The following KIF16B variants were observed in gnomAD, a reference collection of about 807,000 sequenced individuals.
KIF16B encodes kinesin family member 16B.
Under a neutral mutation model 156.3 loss-of-function variants are expected in KIF16B, and 98 were observed. The observed-to-expected ratio is 0.63, with a 90% CI of 0.53 to 0.74. KIF16B has a LOEUF of 0.74. Among genes scored for constraint, KIF16B ranks in the 30% least tolerant of loss-of-function variants. The pLI is 0.00. For missense variants in KIF16B, 1,421 were observed against 1,606.5 expected (o/e 0.88, Z 1.97); for synonymous variants, 564 against 583.7 (o/e 0.97, Z 0.49).
At chr20:16,387,556 G>A (rs906547095) in intron 17 of KIF16B, among the ~76,000 whole-genome samples, 1 of 152,170 alleles carries the variant, frequency 6.6e-6, no homozygotes, top group Non-Finnish European at 1.5e-5. Context: ...CTGAAGAAGG[G>A]AGTGCTATTT....
chr20:16,453,610 C>T (rs935480285), intron 12 of KIF16B, among the ~76,000 whole-genome samples: 6 of 151,886 alleles, frequency 4.0e-5, no homozygotes, highest in Non-Finnish European at 8.8e-5. Flanking sequence ...TATGGGAAAA[C>T]GCAATGATCA....
At chr20:16,482,242 C>T (rs2068002558) in intron 12 of KIF16B, among the ~76,000 whole-genome samples, 1 of 151,906 alleles carries the variant, frequency 6.6e-6, no homozygotes, top group South Asian at 2.1e-4. Flanking sequence ...CTTAATACCA[C>T]CACTTCTGCT....
At chr20:16,300,294 T>C (rs2063453270) in intron 25 of KIF16B, among the ~76,000 whole-genome samples, 1 of 152,194 alleles carries the variant, frequency 6.6e-6, no homozygotes, top group Non-Finnish European at 1.5e-5. Flanking sequence ...TTTAGAGTAA[T>C]GAGTGAGCCA....
chr20:16,324,022 G>C (rs2063808000), intron 24 of KIF16B, among the ~76,000 whole-genome samples: 1 of 151,924 alleles, frequency 6.6e-6, no homozygotes, highest in Non-Finnish European at 1.5e-5. Flanking sequence ...ACATTCATAT[G>C]TGCCACAAAC....
chr20:16,503,927 C>T (rs973378818), intron 10 of KIF16B, among the ~76,000 whole-genome samples: 1 of 152,138 alleles, frequency 6.6e-6, no homozygotes, highest in Non-Finnish European at 1.5e-5. Flanking sequence ...GCGGGGCCAC[C>T]AGAACCACCT....
intron 1 of KIF16B, among the ~76,000 whole-genome samples, chr20:16,559,685 G>A (rs1281958627): frequency 6.6e-6 from 1 of 152,160 alleles, no homozygotes; most frequent in African/African-American, 2.4e-5. Context: ...GGCTGAGGCA[G>A]GAGGTTCACT....
At chr20:16,434,942 G>T (rs1422368842) in intron 12 of KIF16B, among the ~76,000 whole-genome samples, 1 of 152,184 alleles carries the variant, frequency 6.6e-6, no homozygotes, top group East Asian at 1.9e-4. Context: ...CACATGCCCA[G>T]TGTGGCTGTG....
chr20:16,324,482 G>A (rs2063815019), intron 24 of KIF16B, among the ~76,000 whole-genome samples: 1 of 152,006 alleles, frequency 6.6e-6, no homozygotes, highest in Non-Finnish European at 1.5e-5. Flanking sequence ...ATTTCACAAT[G>A]TGCAAACAGT....
At chr20:16,459,456 A>G (rs2067290103) in intron 12 of KIF16B, among the ~76,000 whole-genome samples, 1 of 152,192 alleles carries the variant, frequency 6.6e-6, no homozygotes, top group African/African-American at 2.4e-5. Context: ...CAAAAGTAGC[A>G]GCACACTTCC....
intron 24 of KIF16B, among the ~76,000 whole-genome samples, chr20:16,330,761 C>A (rs1414585794): frequency 6.6e-6 from 1 of 152,202 alleles, no homozygotes; most frequent in Non-Finnish European, 1.5e-5. Flanking sequence ...GGTGGGAAGC[C>A]ATAGCTTTAG....
chr20:16,291,970 C>T (rs1195237887), intron 25 of KIF16B, among the ~76,000 whole-genome samples: 1 of 152,044 alleles, frequency 6.6e-6, no homozygotes, highest in Admixed American at 6.6e-5. Context: ...GCTGTGTTTC[C>T]AGCTAGCTAA....
chr20:16,341,868 C>T (rs1305552254), intron 23 of KIF16B, among the ~76,000 whole-genome samples: 1 of 152,202 alleles, frequency 6.6e-6, no homozygotes, highest in Non-Finnish European at 1.5e-5. Context: ...GCCCTTAGTG[C>T]GGCATTTAGG....
At chr20:16,281,740 G>C (rs960468448) in intron 25 of KIF16B, among the ~76,000 whole-genome samples, 2 of 152,106 alleles carry the variant, frequency 1.3e-5, no homozygotes, top group African/African-American at 2.4e-5. Flanking sequence ...CAGTAAGCCA[G>C]GCCTGGGTAT....
At chr20:16,468,652 T>C (rs2067568416) in intron 12 of KIF16B, among the ~76,000 whole-genome samples, 2 of 149,234 alleles carry the variant, frequency 1.3e-5, no homozygotes, top group Non-Finnish European at 3.0e-5. Context: ...CAAACATTAA[T>C]GTGTATGGCA....
At chr20:16,539,689 C>T (rs1373740019) in intron 1 of KIF16B, among the ~76,000 whole-genome samples, 1 of 152,200 alleles carries the variant, frequency 6.6e-6, no homozygotes, top group Non-Finnish European at 1.5e-5. Context: ...GAACCATGAG[C>T]CAATTAAACC....
At chr20:16,557,185 T>C (rs2070883503) in intron 1 of KIF16B, among the ~76,000 whole-genome samples, 1 of 150,570 alleles carries the variant, frequency 6.6e-6, no homozygotes, top group African/African-American at 2.5e-5. Flanking sequence ...ACTAATACTA[T>C]ATATATGTTT....
chr20:16,420,990 C>G (rs550722143), intron 15 of KIF16B, among the ~76,000 whole-genome samples: 1 of 152,044 alleles, frequency 6.6e-6, no homozygotes, highest in Non-Finnish European at 1.5e-5. Flanking sequence ...TGAATTCGAG[C>G]ACGAATGATA....
chr20:16,368,643 C>T (rs981935335), intron 22 of KIF16B: 20 of 985,778 alleles, frequency 2.0e-5, no homozygotes, highest in Non-Finnish European at 2.3e-5. Flanking sequence ...CCAGTGACTC[C>T]GATGAGCTCA....
At chr20:16,508,423 C>A (rs998675415) in intron 6 of KIF16B, among the ~76,000 whole-genome samples, 3 of 152,170 alleles carry the variant, frequency 2.0e-5, no homozygotes, top group African/African-American at 7.2e-5. Context: ...CACCAGAGAT[C>A]GGTTTCATGG....
Sources: allele counts gnomAD v4.1 joint callset (sites outside exome capture counted in the v4.1 genomes callset), GRCh38; gene constraint gnomAD v4.1.1; transcripts MANE v1.5; gene names NCBI Gene and HGNC (gene_info 2026-07-23, HGNC 2026-07-21).